The following SRSF4 variants were observed in gnomAD, a reference collection of about 807,000 sequenced individuals.
SRSF4 encodes serine/arginine-rich splicing factor 4.
In SRSF4, 12 loss-of-function variants were observed where a neutral mutation model predicts 48.8. The observed-to-expected ratio is 0.25, with a 90% CI of 0.16 to 0.40. The LOEUF (loss-of-function observed/expected upper bound fraction) is 0.40. SRSF4 is among the 10% of genes least tolerant of loss of function. The pLI, the probability that SRSF4 is intolerant of heterozygous loss-of-function variation, is 1.00. For missense variants in SRSF4, 466 were observed against 667.1 expected (o/e 0.70, Z 3.32); for synonymous variants, 248 against 232.5 (o/e 1.07, Z -0.61).
chr1:29,174,212 G>A (rs12044159), intron 1 of SRSF4, among the ~76,000 whole-genome samples: 4 of 145,622 alleles, frequency 2.7e-5, no homozygotes, highest in African/African-American at 2.5e-5. Context: ...AAAGAAAAAA[G>A]AAAAAAAAAA....
intron 5 of SRSF4, 80 bp downstream of exon 5, chr1:29,150,023 G>GAAA: frequency 9.0e-7 from 1 of 1,111,640 alleles, no homozygotes; most frequent in Non-Finnish European, 1.3e-6. Context: ...GTGTCTCTTT[G>GAAA]AAAAAAAAAA....
intron 1 of SRSF4, among the ~76,000 whole-genome samples, chr1:29,174,123 AG>A (rs1169523755): frequency 1.7e-4 from 26 of 151,470 alleles, no homozygotes; most frequent in African/African-American, 6.1e-4. Context: ...CGGGAGGCAG[AG>A]GTTGCAGTGA....
chr1:29,154,740 A>T lies in SRSF4; in HGVS notation c.534T>A (p.Gly178=), dbSNP rs1049920. The change falls in exon 4 of 6, where the codon GGT becomes GGA. Residue 178 remains glycine, a synonymous_variant. Transcript: ENST00000373795. ...TGGAGTAGGACCGGCGTCGTCTGGAACCTGGCTTGTCTTCAACTAATCTGA... is the reference window on the plus strand; with the variant it reads ...TGGAGTAGGACCGGCGTCGTCTGGATCCTGGCTTGTCTTCAACTAATCTGA... ...RKIRLVEDKP[G]SRRRRSYSRS... The T allele has an allele frequency of 6.8e-6, 11 of 1,614,162 alleles. No individual in the cohort carries two copies. In the African/African-American group the frequency reaches 1.3e-4, roughly 20 times the overall value.
intron 1 of SRSF4, among the ~76,000 whole-genome samples, chr1:29,175,833 C>T (rs1306276811): frequency 1.3e-5 from 2 of 151,158 alleles, no homozygotes. Context: ...TTGTTTTAAC[C>T]TCTTCTTAGA....
chr1:29,181,738 G>A lies in SRSF4; in HGVS notation c.15C>T (p.Tyr5=), dbSNP rs200383319. The change falls in exon 1 of 6, where the codon TAC becomes TAT. Residue 5 remains tyrosine (Y), a synonymous_variant. Coordinates refer to ENST00000373795, the MANE Select transcript of SRSF4 (RefSeq NM_005626.5). ...GGGCCTGGTAGCTCAGGCGGCCGAT[G>A]TACACCCGCGGCATCCCGGCAACGG... MPRV[Y]IGRLSYQARE... The A allele has an allele frequency of 4.3e-4, 682 of 1,584,662 alleles. 1 individual carries two copies. Among genetic ancestry groups the A allele is most frequent in the Non-Finnish European group, 5.7e-4 (664 of 1,169,116 alleles).
At chr1:29,175,913 C>A (rs769341294) in intron 1 of SRSF4, among the ~76,000 whole-genome samples, 38 of 152,022 alleles carry the variant, frequency 2.5e-4, no homozygotes, top group Non-Finnish European at 4.3e-4. Flanking sequence ...TTTGTACATG[C>A]CAGTGCAAAT....
intron 1 of SRSF4, chr1:29,172,771 C>T (rs1282162584): frequency 6.6e-6 from 1 of 152,080 alleles, no homozygotes; most frequent in Non-Finnish European, 1.5e-5. Context: ...TCATGGAATC[C>T]ATATGTACTC....
At chr1:29,150,267 T>A in intron 4 of SRSF4, 75 bp from the exon 5 acceptor site, 4 of 625,064 alleles carry the variant, frequency 6.4e-6, no homozygotes, top group Non-Finnish European at 9.3e-6. Context: ...CTATATATAT[T>A]ATATATATAT....
chr1:29,160,556 T>C, intron 1 of SRSF4, 39 bp from the exon 2 acceptor site: 3 of 1,560,882 alleles, frequency 1.9e-6, no homozygotes, highest in Non-Finnish European at 2.6e-6. Context: ...GGTACCATTT[T>C]GACATCCAGC....
At chr1:29,165,148 A>C (rs1386566062) in intron 1 of SRSF4, among the ~76,000 whole-genome samples, 1 of 152,154 alleles carries the variant, frequency 6.6e-6, no homozygotes, top group Non-Finnish European at 1.5e-5. Flanking sequence ...TAGTCAAAAG[A>C]ATGAGGGGAA....
At position 29,169,681 on chromosome 1, in the gene SRSF4, A is replaced by AC. The variant is rs1364156202; in HGVS notation, c.108-9165dup. On this transcript the variant is annotated intron_variant, in intron 1 of 5. Transcript: ENST00000373795. ...CTCATGATCCTTTCTCATAAAGTAA[A>AC]CCAACTGCTGAAAAAAAATCTCTAA... 7.9e-5 allele frequency: 12 copies of AC among 152,314 alleles called. No individual in the cohort carries two copies. The East Asian group carries it at 1.5e-3, about 20-fold the overall frequency. 9.4% of individuals were successfully genotyped at this position (152,314 alleles called of 1,614,324 possible).
In SRSF4 at chr1:29,155,178, C is replaced by T. The variant is rs1672478047; in HGVS notation, c.364-268G>A. Among the ~76,000 whole-genome samples the T allele has an allele frequency of 2.6e-5, 4 of 152,124 alleles. 1 individual carries two copies. In the South Asian group the frequency reaches 8.3e-4, roughly 32 times the overall value. ...AAGTGTGGTGGCTCATGCCTGTAAT[C>T]CCAGCACTTTGACAAGCTGAGGCGG... On this transcript the variant is annotated intron_variant, in intron 3 of 5. Coordinates refer to ENST00000373795, the MANE Select transcript of SRSF4 (RefSeq NM_005626.5).
intron 1 of SRSF4, among the ~76,000 whole-genome samples, chr1:29,175,791 G>A (rs1672839651): frequency 7.0e-6 from 1 of 142,454 alleles, no homozygotes; most frequent in Non-Finnish European, 1.5e-5. Flanking sequence ...TATACATAAA[G>A]AGAGTTATTC....
At chr1:29,164,894 T>G (rs1672648166) in intron 1 of SRSF4, among the ~76,000 whole-genome samples, 1 of 152,232 alleles carries the variant, frequency 6.6e-6, no homozygotes, top group Non-Finnish European at 1.5e-5. Context: ...TTGAGTATTC[T>G]GAATCCGAAA....
intron 1 of SRSF4, chr1:29,172,219 T>C (rs1308134673): frequency 6.6e-6 from 1 of 152,200 alleles, no homozygotes; most frequent in African/African-American, 2.4e-5. Flanking sequence ...ACTTAATTCA[T>C]AGTCCTATCT....
At chr1:29,180,562 G>A (rs185064235) in intron 1 of SRSF4, among the ~76,000 whole-genome samples, 20 of 152,284 alleles carry the variant, frequency 1.3e-4, no homozygotes, top group Admixed American at 1.1e-3. Context: ...GTATAACCCT[G>A]GGGAGTAAAC....
intron 1 of SRSF4, among the ~76,000 whole-genome samples, chr1:29,167,117 A>G (rs1672679361): frequency 6.6e-6 from 1 of 152,166 alleles, no homozygotes; most frequent in Non-Finnish European, 1.5e-5. Context: ...TCTAGGCTAG[A>G]GCTATTTTTA....
At chr1:29,163,773 G>A (rs1672632216) in intron 1 of SRSF4, among the ~76,000 whole-genome samples, 1 of 152,064 alleles carries the variant, frequency 6.6e-6, no homozygotes, top group Non-Finnish European at 1.5e-5. Flanking sequence ...AAAAAACCCC[G>A]CCGAGCTGGC....
intron 1 of SRSF4, among the ~76,000 whole-genome samples, chr1:29,174,677 T>G (rs1318310344): frequency 1.4e-5 from 2 of 144,524 alleles, no homozygotes; most frequent in Non-Finnish European, 3.1e-5. Context: ...GGAGATAGGT[T>G]TTTTTTTTTT....
Sources: gnomAD v4.1 joint callset for allele counts (sites outside exome capture counted in the v4.1 genomes callset) on GRCh38, gnomAD v4.1.1 for gene constraint, MANE v1.5 for transcripts, NCBI Gene and HGNC (gene_info 2026-07-23, HGNC 2026-07-21) for gene names.